RIMBP2: variants seen among roughly 807,000 people sequenced by gnomAD.
The protein encoded by RIMBP2 is RIMS binding protein 2, also known as RIMS-binding protein 2.
RIMBP2 carries 48 observed loss-of-function variants against 118.6 expected under a neutral mutation model. The ratio of observed to expected loss-of-function variants is 0.40; its 90% CI spans 0.32 to 0.51. RIMBP2 has a LOEUF of 0.51. RIMBP2 is among the 20% of genes least tolerant of loss of function. The pLI, the probability that RIMBP2 is intolerant of heterozygous loss-of-function variation, is 0.41. For synonymous variants in RIMBP2, 762 were observed against 742.9 expected (o/e 1.03, Z -0.42); for missense variants, 1,551 against 1,768.3 (o/e 0.88, Z 2.20).
intron 3 of RIMBP2, among the ~76,000 whole-genome samples, chr12:130,509,754 A>C (rs1174822417): frequency 2.7e-5 from 4 of 146,720 alleles, no homozygotes; most frequent in African/African-American, 1.0e-4. Context: ...CAGCACCCAC[A>C]CCTTTGTTAG....
In RIMBP2 at chr12:130,617,664, G is replaced by A. The variant is rs1183159457; in HGVS notation, c.-217+10658C>T. Among the ~76,000 whole-genome samples, 1 of 152,210 alleles carries A rather than the reference G, an allele frequency of 6.6e-6. No homozygotes were observed. The highest frequency in any genetic ancestry group is 1.5e-5 in the Non-Finnish European group (1 of 68,040). On this transcript the variant is annotated intron_variant, in intron 2 of 22. Coordinates refer to ENST00000690449, the MANE Select transcript of RIMBP2 (RefSeq NM_001393629.1). The surrounding 1 kb of genome is among the most constrained non-coding windows in gnomAD (Gnocchi z 4.6). ...CAGAAAGTAACAGAGAGGGCCTTGG[G>A]CTGAGTGTCTATGACCTGACGCTAA... is the stretch of plus-strand genomic sequence containing the variant.
At chr12:130,543,989 G>A (rs1189045443) in intron 2 of RIMBP2, among the ~76,000 whole-genome samples, 3 of 152,114 alleles carry the variant, frequency 2.0e-5, no homozygotes, top group Admixed American at 6.5e-5. Context: ...GTTTTCCTAT[G>A]CAAACCACCT....
chr12:130,659,639 AAAT>A (rs900106000), intron 1 of RIMBP2, among the ~76,000 whole-genome samples: 41 of 151,460 alleles, frequency 2.7e-4, no homozygotes, highest in African/African-American at 9.7e-4. Context: ...AATATATCCA[AAAT>A]ATTACCATTT....
At chr12:130,575,937 T>C (rs945357911) in intron 2 of RIMBP2, among the ~76,000 whole-genome samples, 10 of 152,140 alleles carry the variant, frequency 6.6e-5, no homozygotes, top group African/African-American at 2.4e-4. Flanking sequence ...CCCGGAAAGC[T>C]GGTTAACAGG....
At chr12:130,479,545 G>A (rs2081763091) in intron 4 of RIMBP2, among the ~76,000 whole-genome samples, 1 of 152,038 alleles carries the variant, frequency 6.6e-6, no homozygotes, top group Admixed American at 6.5e-5. Context: ...CCATCGGGCA[G>A]CTGGGAAGTG....
At chr12:130,606,244 C>T (rs2060179283) in intron 2 of RIMBP2, among the ~76,000 whole-genome samples, 1 of 152,194 alleles carries the variant, frequency 6.6e-6, no homozygotes, top group Non-Finnish European at 1.5e-5. Flanking sequence ...CAGGTGTTTT[C>T]TTGTCTGTAT....
chr12:130,539,974 A>C (rs1392987136), intron 2 of RIMBP2, among the ~76,000 whole-genome samples: 3 of 99,662 alleles, frequency 3.0e-5, no homozygotes, highest in Admixed American at 1.0e-4. Context: ...CAGGTGTAGG[A>C]TATGGCAAAT....
Position 130,437,359 on chromosome 12 carries a change from G to A in RIMBP2, c.1657-68C>T, listed in dbSNP as rs1457891336. The A allele has an allele frequency of 1.2e-5, 16 of 1,333,588 alleles. No individual in the cohort carries two copies. The East Asian group carries it at 1.8e-4, about 15-fold the overall frequency. The allele number at this position is 1,333,588 out of a possible 1,614,324, so 82.6% of individuals were successfully genotyped here. Reference sequence around the variant, plus strand: ...CCCCGCGGTCCTGCAATGGGGAGCCGACCAGTCCTCTGCCCAGAGGCCAGG... The same window carrying A: ...CCCCGCGGTCCTGCAATGGGGAGCCAACCAGTCCTCTGCCCAGAGGCCAGG... On this transcript the variant is annotated intron_variant, in intron 12 of 22. Transcript: ENST00000690449.
chr12:130,583,414 A>G (rs2058603327), intron 2 of RIMBP2, among the ~76,000 whole-genome samples: 1 of 149,190 alleles, frequency 6.7e-6, no homozygotes, highest in Non-Finnish European at 1.5e-5. Context: ...CCATTACATC[A>G]TCATCATCAT....
intron 4 of RIMBP2, among the ~76,000 whole-genome samples, chr12:130,482,249 G>A (rs1490045538): frequency 6.6e-6 from 1 of 152,184 alleles, no homozygotes; most frequent in Non-Finnish European, 1.5e-5. Flanking sequence ...CTCCAGAGAG[G>A]ACTATTTCTA....
At chr12:130,575,735 A>G (rs542436525) in intron 2 of RIMBP2, among the ~76,000 whole-genome samples, 4 of 152,334 alleles carry the variant, frequency 2.6e-5, no homozygotes, top group African/African-American at 9.6e-5. Flanking sequence ...GATGAAGGAG[A>G]CAGAGTGGTC....
intron 1 of RIMBP2, among the ~76,000 whole-genome samples, chr12:130,632,912 G>C (rs923263433): frequency 1.3e-5 from 2 of 152,130 alleles, no homozygotes; most frequent in African/African-American, 2.4e-5. Context: ...CTGCTGCCGT[G>C]GAACACCAGG....
Position 130,415,712 on chromosome 12 carries a change from A to C in RIMBP2, c.3239-1406T>G, listed in dbSNP as rs1465447528. Among the ~76,000 whole-genome samples, 4 of 151,804 alleles carry C rather than the reference A, an allele frequency of 2.6e-5. 1 individual carries two copies. Among genetic ancestry groups the C allele is most frequent in the South Asian group, 4.2e-4 (2 of 4,788 alleles). Reference sequence around the variant, plus strand: ...CATATAGGAAATAAGAAGTCAAATTATCTCTCTTCACTGATGATAAGGCAT... The same window carrying C: ...CATATAGGAAATAAGAAGTCAAATTCTCTCTCTTCACTGATGATAAGGCAT... On this transcript the variant is annotated intron_variant, in intron 17 of 22. Coordinates refer to ENST00000690449, the MANE Select transcript of RIMBP2 (RefSeq NM_001393629.1).
intron 14 of RIMBP2, chr12:130,428,603 T>C (rs909669549): frequency 1.5e-5 from 5 of 328,782 alleles, no homozygotes; most frequent in East Asian, 5.0e-5. Context: ...CTGGACAAGA[T>C]AGAAAACCCA....
At chr12:130,607,701 A>T (rs1392631706) in intron 2 of RIMBP2, among the ~76,000 whole-genome samples, 1 of 152,068 alleles carries the variant, frequency 6.6e-6, no homozygotes, top group Non-Finnish European at 1.5e-5. Flanking sequence ...TGCATTGGTC[A>T]GAAACTGCTC....
Position 130,659,135 on chromosome 12 carries a change from C to T in RIMBP2, c.-351-30679G>A, listed in dbSNP as rs556198563. On this transcript the variant is annotated intron_variant, in intron 1 of 22. Transcript: ENST00000690449. ...ACCCAGTGCTATCCAAGAGAAACAC[C>T]GTGTCAGCCACCTGCATAACTTTAC... 3.3e-5 allele frequency among the ~76,000 whole-genome samples: 5 copies of T among 152,266 alleles called. No individual in the cohort carries two copies. The South Asian group carries it at 6.2e-4, about 19-fold the overall frequency.
At chr12:130,489,494 G>A (rs1412013448) in intron 4 of RIMBP2, among the ~76,000 whole-genome samples, 1 of 152,106 alleles carries the variant, frequency 6.6e-6, no homozygotes, top group Non-Finnish European at 1.5e-5. Flanking sequence ...GGCAGCATCG[G>A]CGGGAGGGAA....
chr12:130,693,240 T>C (rs1304375349), intron 1 of RIMBP2, among the ~76,000 whole-genome samples: 2 of 151,964 alleles, frequency 1.3e-5, no homozygotes, highest in Admixed American at 6.6e-5. Flanking sequence ...AATGATTCAA[T>C]TGATTGAAAG....
intron 1 of RIMBP2, among the ~76,000 whole-genome samples, chr12:130,636,461 A>T (rs532793413): frequency 6.6e-6 from 1 of 152,068 alleles, no homozygotes; most frequent in Non-Finnish European, 1.5e-5. Context: ...CACCTTGAAC[A>T]CTCATTGGAC....
Sources: gnomAD v4.1 joint callset for allele counts (sites outside exome capture counted in the v4.1 genomes callset) on GRCh38, gnomAD v4.1.1 for gene constraint, Gnocchi (gnomAD v3.1) non-coding constraint, MANE v1.5 for transcripts, NCBI Gene and HGNC (gene_info 2026-07-23, HGNC 2026-07-21) for gene names.